Variants in EXOC6 observed in about 807,000 individuals in gnomAD.
The protein encoded by EXOC6 is exocyst complex component 6.
A neutral mutation model predicts 112.5 loss-of-function variants in EXOC6; 60 were observed. The observed-to-expected ratio is 0.53, with a 90% confidence interval of 0.43 to 0.66. The LOEUF (loss-of-function observed/expected upper bound fraction) is 0.66. EXOC6 is among the 30% of genes least tolerant of loss of function. The pLI is 0.00. For synonymous variants in EXOC6, 295 were observed against 308.0 expected, an observed-to-expected ratio of 0.96 and a Z score of 0.44; for missense variants, 855 against 957.1, an observed-to-expected ratio of 0.89 and a Z score of 1.41.
At chr10:92,892,981 T>A (rs1270045193) in intron 1 of EXOC6, among the ~76,000 whole-genome samples, 1 of 152,134 alleles carries the variant, frequency 6.6e-6, no homozygotes, top group Non-Finnish European at 1.5e-5. Flanking sequence ...AACATGAGCG[T>A]TTACTTTACA....
At chr10:92,988,453 G>T (rs1843097395) in intron 18 of EXOC6, among the ~76,000 whole-genome samples, 1 of 152,136 alleles carries the variant, frequency 6.6e-6, no homozygotes, top group South Asian at 2.1e-4. Context: ...TGAAGTTCAA[G>T]TTTTGATTAA....
chr10:92,978,299 A>G (rs996587662), intron 18 of EXOC6, among the ~76,000 whole-genome samples: 27 of 151,968 alleles, frequency 1.8e-4, no homozygotes, highest in African/African-American at 6.0e-4. Context: ...AGTCTTGGCT[A>G]CTCAGGATGC....
intron 5 of EXOC6, among the ~76,000 whole-genome samples, chr10:92,907,833 A>G (rs767440740): frequency 1.3e-5 from 2 of 152,128 alleles, no homozygotes; most frequent in African/African-American, 2.4e-5. Context: ...TATTGTAATG[A>G]CATCTCTCCT....
intron 4 of EXOC6, among the ~76,000 whole-genome samples, chr10:92,896,821 GC>G (rs982310405): frequency 6.6e-6 from 1 of 152,106 alleles, no homozygotes; most frequent in Non-Finnish European, 1.5e-5. Context: ...TTCCTAAAGT[GC>G]TGGGATTACA....
intron 11 of EXOC6, 113 bp downstream of exon 11, chr10:92,934,543 G>C: frequency 1.1e-6 from 1 of 921,450 alleles, no homozygotes; most frequent in Admixed American, 3.2e-5. Flanking sequence ...TTTTTTAGTA[G>C]TTGCTTAGAT....
At chr10:92,917,899 G>A (rs890800469) in intron 7 of EXOC6, among the ~76,000 whole-genome samples, 9 of 152,106 alleles carry the variant, frequency 5.9e-5, no homozygotes, top group Non-Finnish European at 7.4e-5. Context: ...TGCCTGTGAT[G>A]CTAGCACTTT....
chr10:92,993,017 TAGTG>T (rs72134681), intron 18 of EXOC6, among the ~76,000 whole-genome samples: 39,073 of 151,638 alleles, frequency 0.26, 6,240 homozygotes, highest in East Asian at 0.73. Context: ...CAAATGATGA[TAGTG>T]AGTTTGTATA....
At chr10:92,846,141 A>T (rs906548696), upstream of EXOC6, among the ~76,000 whole-genome samples, 1 of 152,224 alleles carries the variant, frequency 6.6e-6, no homozygotes, top group African/African-American at 2.4e-5. Context: ...ACTGCTGCTT[A>T]TGTTGAAGTA....
chr10:92,834,897 T>G, intron 1 of EXOC6: 1 of 846,266 alleles, frequency 1.2e-6, no homozygotes, highest in South Asian at 1.8e-5. Flanking sequence ...CTTTTTATAA[T>G]TCTTTATAAG....
At chr10:92,877,718 C>T (rs1298442356) in intron 1 of EXOC6, among the ~76,000 whole-genome samples, 1 of 152,100 alleles carries the variant, frequency 6.6e-6, no homozygotes, top group Non-Finnish European at 1.5e-5. Flanking sequence ...ATATCACTAA[C>T]TGTGTTTTTG....
At chr10:92,958,623 A>G (rs1853821560) in intron 17 of EXOC6, among the ~76,000 whole-genome samples, 1 of 152,202 alleles carries the variant, frequency 6.6e-6, no homozygotes, top group African/African-American at 2.4e-5. Flanking sequence ...AGTTCTTCCC[A>G]ACTTGATCTA....
intron 19 of EXOC6, 98 bp from the exon 20 acceptor site, chr10:93,014,096 T>C: frequency 1.2e-6 from 1 of 855,446 alleles, no homozygotes; most frequent in Non-Finnish European, 1.8e-6. Context: ...GTGTAAATAT[T>C]ATAATGCATT....
intron 18 of EXOC6, among the ~76,000 whole-genome samples, chr10:92,994,395 A>T (rs976258266): frequency 1.4e-5 from 2 of 143,266 alleles, no homozygotes; most frequent in East Asian, 3.9e-4. Context: ...TTTGAAATAT[A>T]AGAAGTTTGT....
intron 1 of EXOC6, among the ~76,000 whole-genome samples, chr10:92,883,909 CTTTTT>C (rs757402889): frequency 7.9e-5 from 12 of 151,694 alleles, no homozygotes; most frequent in East Asian, 3.9e-4. Flanking sequence ...CTTTTCTTTT[CTTTTT>C]GAGATGGAGT....
At chr10:93,044,462 C>T (rs1845917095) in intron 20 of EXOC6, among the ~76,000 whole-genome samples, 1 of 152,054 alleles carries the variant, frequency 6.6e-6, no homozygotes, top group Admixed American at 6.5e-5. Flanking sequence ...ATAATATTGT[C>T]TTTAACAGAG....
intron 6 of EXOC6, among the ~76,000 whole-genome samples, chr10:92,909,995 C>G (rs546894627): frequency 6.6e-6 from 1 of 152,178 alleles, no homozygotes; most frequent in Admixed American, 6.5e-5. Flanking sequence ...CTAAACTGTT[C>G]TCTATTTAAA....
chr10:92,970,167 A>G (rs752249283), intron 17 of EXOC6, among the ~76,000 whole-genome samples: 14 of 152,128 alleles, frequency 9.2e-5, no homozygotes, highest in Non-Finnish European at 1.6e-4. Context: ...AAACAGACAC[A>G]CACTTCCTGC....
intron 1 of EXOC6, among the ~76,000 whole-genome samples, chr10:92,860,289 T>C (rs1433803284): frequency 9.9e-6 from 1 of 100,994 alleles, no homozygotes; most frequent in Non-Finnish European, 2.0e-5. Context: ...TTTTTTTTTT[T>C]GAGACAGAGT....
chr10:92,938,322 G>A (rs1235575618), intron 12 of EXOC6, among the ~76,000 whole-genome samples: 3 of 152,050 alleles, frequency 2.0e-5, no homozygotes, highest in Non-Finnish European at 2.9e-5. Flanking sequence ...AGTTTCTACA[G>A]TATTTTCATT....
Sources: allele counts gnomAD v4.1 joint callset (sites outside exome capture counted in the v4.1 genomes callset), GRCh38; gene constraint gnomAD v4.1.1; transcripts MANE v1.5; gene names NCBI Gene and HGNC (gene_info 2026-07-23, HGNC 2026-07-21).